ZNF536: variants seen among roughly 807,000 people sequenced by gnomAD.
ZNF536 encodes the protein zinc finger protein 536.
In ZNF536, 13 loss-of-function variants were observed where a neutral mutation model predicts 84.5. That is an observed-to-expected ratio of 0.15 (90% CI 0.10 to 0.24). The LOEUF (loss-of-function observed/expected upper bound fraction) is 0.24. Ranked by LOEUF, ZNF536 falls within the 10% of genes least tolerant of loss-of-function variation. ZNF536 has a pLI of 1.00. For synonymous variants in ZNF536, 811 were observed against 742.5 expected (o/e 1.09, Z -1.50); for missense variants, 1,536 against 1,747.5 (o/e 0.88, Z 2.16).
At chr19:30,592,767 G>C (rs2146813620) in intron 1 of ZNF536, among the ~76,000 whole-genome samples, 1 of 152,154 alleles carries the variant, frequency 6.6e-6, no homozygotes, top group South Asian at 2.1e-4. Context: ...GTTATAGAAG[G>C]AAGATAAATG....
At chr19:30,261,451 G>A (rs2025216777) in intron 1 of ZNF536, among the ~76,000 whole-genome samples, 1 of 151,952 alleles carries the variant, frequency 6.6e-6, no homozygotes, top group Admixed American at 6.5e-5. Flanking sequence ...CTATGGCTCA[G>A]CTCTTTGGGA....
intron 1 of ZNF536, among the ~76,000 whole-genome samples, chr19:30,246,681 G>A (rs1490574091): frequency 6.6e-6 from 1 of 152,060 alleles, no homozygotes; most frequent in Non-Finnish European, 1.5e-5. Flanking sequence ...GAAGAGTGTG[G>A]GTCTTTGGAA....
intron 1 of ZNF536, among the ~76,000 whole-genome samples, chr19:30,702,021 G>A (rs1191063679): frequency 2.0e-5 from 3 of 152,166 alleles, no homozygotes; most frequent in African/African-American, 7.2e-5. Context: ...CACACTTGAG[G>A]AGAAGCCATC....
At chr19:30,318,200 A>G (rs1204785831) in intron 2 of ZNF536, among the ~76,000 whole-genome samples, 2 of 152,218 alleles carry the variant, frequency 1.3e-5, no homozygotes, top group African/African-American at 4.8e-5. Context: ...CCAACACTGC[A>G]TGAGGTTCAG....
At chr19:30,629,842 G>A (rs1438885407) in intron 1 of ZNF536, among the ~76,000 whole-genome samples, 1 of 152,258 alleles carries the variant, frequency 6.6e-6, no homozygotes, top group Non-Finnish European at 1.5e-5. Flanking sequence ...CAGGGGCAGT[G>A]AGGGTCCCTC....
At chr19:30,487,962 G>A (rs536545167) in intron 2 of ZNF536, among the ~76,000 whole-genome samples, 1 of 152,276 alleles carries the variant, frequency 6.6e-6, no homozygotes, top group African/African-American at 2.4e-5. Flanking sequence ...TATGGTTTCA[G>A]CAGCAATAAA....
intron 1 of ZNF536, among the ~76,000 whole-genome samples, chr19:30,587,358 C>A (rs976720442): frequency 9.2e-5 from 14 of 152,218 alleles, no homozygotes; most frequent in Non-Finnish European, 1.8e-4. Flanking sequence ...TAATAGTTAA[C>A]AACAAATGAT....
At position 30,548,752 on chromosome 19, in the gene ZNF536, G is replaced by T. The variant is rs1782261786; in HGVS notation, c.3133G>T (p.Ala1045Ser). ...GGTCACAGTCAACTGCAAAGACCAA[G>T]CCCGGGAGGCGAGTAAGATGGCCCT... ...IGVTVNCKDQ[A>S]REASKMALLP... The change falls in exon 4 of 5, where the codon GCC becomes TCC. Residue 1045 changes from alanine to serine, a missense_variant. This residue lies in a region of ZNF536 where 624 missense variants were observed against 603.1 expected (regional missense o/e 1.03). Coordinates refer to ENST00000355537, the MANE Select transcript of ZNF536 (RefSeq NM_014717.3). 6 of 1,613,904 alleles carry T rather than the reference G, an allele frequency of 3.7e-6. No individual in the cohort carries two copies. Among genetic ancestry groups the T allele is most frequent in the Non-Finnish European group, 5.1e-6 (6 of 1,180,032 alleles).
chr19:30,692,656 G>A (rs1175416140), intron 1 of ZNF536, among the ~76,000 whole-genome samples: 1 of 152,198 alleles, frequency 6.6e-6, no homozygotes, highest in Non-Finnish European at 1.5e-5. Context: ...TGTGCTGAAA[G>A]AGTGCTTCGC....
At chr19:30,428,373 G>A (rs74852731) in intron 1 of ZNF536, among the ~76,000 whole-genome samples, 3,173 of 152,284 alleles carry the variant, frequency 0.021, 66 homozygotes, top group East Asian at 0.076. Flanking sequence ...CATTGCCACC[G>A]TAGCACACTC....
downstream of ZNF536, among the ~76,000 whole-genome samples, chr19:30,559,880 T>C (rs937252934): frequency 1.3e-5 from 2 of 152,180 alleles, no homozygotes; most frequent in Non-Finnish European, 1.5e-5. Flanking sequence ...TTTCCGTTTC[T>C]AAAGCAGGGG....
At chr19:30,494,863 C>G (rs928216462) in intron 2 of ZNF536, among the ~76,000 whole-genome samples, 2 of 147,734 alleles carry the variant, frequency 1.4e-5, no homozygotes, top group African/African-American at 5.1e-5. Flanking sequence ...GGAGAATTGC[C>G]TGAACCTGGG....
At chr19:30,236,014 C>T (rs1568513254) in intron 1 of ZNF536, among the ~76,000 whole-genome samples, 3 of 152,232 alleles carry the variant, frequency 2.0e-5, no homozygotes, top group Admixed American at 6.5e-5. Context: ...AACGTTTCCA[C>T]CCGAAAGAGG....
At chr19:30,639,835 G>T (rs1329294238) in intron 1 of ZNF536, among the ~76,000 whole-genome samples, 1 of 151,766 alleles carries the variant, frequency 6.6e-6, no homozygotes, top group Non-Finnish European at 1.5e-5. Flanking sequence ...ACTGTCTCAA[G>T]GGGAAAAGCA....
chr19:30,502,864 A>C (rs1227267378), intron 2 of ZNF536, among the ~76,000 whole-genome samples: 1 of 152,122 alleles, frequency 6.6e-6, no homozygotes, highest in Admixed American at 6.5e-5. Context: ...CTCACTCTTG[A>C]GGCCAAAATA....
At chr19:30,293,919 T>C (rs1408098290) in intron 2 of ZNF536, among the ~76,000 whole-genome samples, 1 of 152,122 alleles carries the variant, frequency 6.6e-6, no homozygotes, top group East Asian at 1.9e-4. Flanking sequence ...CCTATGCCCA[T>C]ACATTTTGGA....
At chr19:30,336,424 A>G (rs529551298) in intron 2 of ZNF536, among the ~76,000 whole-genome samples, 7 of 152,334 alleles carry the variant, frequency 4.6e-5, no homozygotes, top group African/African-American at 1.7e-4. Context: ...AAGGGGAAGG[A>G]CAGCGCAGGG....
intron 1 of ZNF536, among the ~76,000 whole-genome samples, chr19:30,435,271 G>C (rs957711465): frequency 5.3e-5 from 8 of 151,486 alleles, no homozygotes; most frequent in Admixed American, 2.0e-4. Context: ...TGATGGTGAT[G>C]ATGACGGTGA....
At chr19:30,468,092 C>A (rs117949715) in intron 2 of ZNF536, among the ~76,000 whole-genome samples, 2 of 152,226 alleles carry the variant, frequency 1.3e-5, no homozygotes, top group African/African-American at 4.8e-5. Context: ...CGACAAGATA[C>A]GCTGCGTGGT....
Sources: allele counts gnomAD v4.1 joint callset (sites outside exome capture counted in the v4.1 genomes callset), GRCh38; gene constraint gnomAD v4.1.1; regional missense constraint gnomAD v4.1.1; transcripts MANE v1.5; gene names NCBI Gene and HGNC (gene_info 2026-07-23, HGNC 2026-07-21).